The following C16orf74 variants were observed in gnomAD, a reference collection of about 807,000 sequenced individuals.
C16orf74 encodes uncharacterized protein C16orf74.
A neutral mutation model predicts 6.5 loss-of-function variants in C16orf74; 10 were observed. The observed-to-expected ratio is 1.54, with a 90% CI of 0.95 to 2.61. C16orf74 has a LOEUF of 2.61. Ranked by LOEUF, C16orf74 falls within the 30% of genes most tolerant of loss-of-function variation. C16orf74 has a pLI of 0.00. For missense variants in C16orf74, 141 were observed against 105.9 expected, an observed-to-expected ratio of 1.33 and a Z score of -1.45; for synonymous variants, 60 against 42.5, an observed-to-expected ratio of 1.41 and a Z score of -1.60.
intron 2 of C16orf74, among the ~76,000 whole-genome samples, chr16:85,724,310 T>A (rs2054111442): frequency 6.6e-6 from 1 of 152,120 alleles, no homozygotes; most frequent in Non-Finnish European, 1.5e-5. Context: ...CCTTTGTCCA[T>A]CCCACAGATA....
At chr16:85,730,155 G>A (rs1277779858) in intron 2 of C16orf74, among the ~76,000 whole-genome samples, 5 of 152,180 alleles carry the variant, frequency 3.3e-5, no homozygotes, top group Admixed American at 1.3e-4. Flanking sequence ...TGGTCAGAGC[G>A]GGTGAGATGA....
In C16orf74 at chr16:85,714,885, G is replaced by A. The variant is rs533005335; in HGVS notation, c.29-4578C>T. ...AGAAGAGAACATTTCAGCCGGGTGCGGTGGCTCACGCCTGTAATCCCAGCA... is the reference window on the plus strand; with the variant it reads ...AGAAGAGAACATTTCAGCCGGGTGCAGTGGCTCACGCCTGTAATCCCAGCA... On this transcript the variant is annotated intron_variant, in intron 2 of 3. Coordinates refer to ENST00000284245, the MANE Select transcript of C16orf74 (RefSeq NM_206967.3). Among the ~76,000 whole-genome samples the A allele has an allele frequency of 1.5e-4, 23 of 151,796 alleles. 1 individual carries two copies. The South Asian group carries it at 2.1e-3, about 14-fold the overall frequency.
At chr16:85,730,894 C>A (rs904963502) in intron 2 of C16orf74, among the ~76,000 whole-genome samples, 1 of 150,574 alleles carries the variant, frequency 6.6e-6, no homozygotes, top group African/African-American at 2.5e-5. Context: ...TGAACCCCCC[C>A]AGATCAGCTG....
chr16:85,736,032 C>A (rs1279424219), intron 1 of C16orf74, among the ~76,000 whole-genome samples: 2 of 152,180 alleles, frequency 1.3e-5, no homozygotes, highest in Non-Finnish European at 2.9e-5. Flanking sequence ...GAACCCAGGA[C>A]TGTCCTAATC....
At chr16:85,742,845 C>T (rs1357826838) in intron 1 of C16orf74, among the ~76,000 whole-genome samples, 1 of 152,166 alleles carries the variant, frequency 6.6e-6, no homozygotes, top group Admixed American at 6.5e-5. Context: ...CCAGCATGAA[C>T]CTCTTTTCTT....
At chr16:85,744,231 A>AAG (rs1176580685) in intron 1 of C16orf74, 1 of 150,036 alleles carries the variant, frequency 6.7e-6, no homozygotes, top group African/African-American at 2.4e-5. Flanking sequence ...GTCTCAAAAA[A>AAG]AAAAAAAAAA....
intron 2 of C16orf74, among the ~76,000 whole-genome samples, chr16:85,724,425 G>T (rs2054112685): frequency 6.6e-6 from 1 of 152,198 alleles, no homozygotes; most frequent in Non-Finnish European, 1.5e-5. Flanking sequence ...TGTTCCTGAG[G>T]CCCCTAGGGA....
At chr16:85,709,006 C>A (rs572122280) in intron 3 of C16orf74, among the ~76,000 whole-genome samples, 18 of 152,350 alleles carry the variant, frequency 1.2e-4, no homozygotes, top group African/African-American at 4.1e-4. Context: ...TGCATGCCTG[C>A]GGCACCCGTG....
chr16:85,730,980 A>G lies in C16orf74; in HGVS notation c.28+4210T>C, dbSNP rs181067467. On this transcript the variant is annotated intron_variant, in intron 2 of 3. Coordinates refer to ENST00000284245, the MANE Select transcript of C16orf74 (RefSeq NM_206967.3). ...TGGAATATACTGAATTAAATAAAACATATTAAAAGTAATCGTACCCGTTTC... is the reference window on the plus strand; with the variant it reads ...TGGAATATACTGAATTAAATAAAACGTATTAAAAGTAATCGTACCCGTTTC... Among the ~76,000 whole-genome samples the G allele has an allele frequency of 8.0e-3, 1,212 of 152,338 alleles. 14 individuals are homozygous for G. Among genetic ancestry groups the G allele is most frequent in the South Asian group, 8.7e-3 (42 of 4,834 alleles).
chr16:85,744,199 T>A (rs1237047962), intron 1 of C16orf74: 1 of 105,768 alleles, frequency 9.5e-6, no homozygotes, highest in East Asian at 3.2e-4. Flanking sequence ...CACTCCAGCC[T>A]GGGCAACAAG....
At chr16:85,726,038 C>A (rs1055228634) in intron 2 of C16orf74, among the ~76,000 whole-genome samples, 2 of 152,156 alleles carry the variant, frequency 1.3e-5, no homozygotes, top group Non-Finnish European at 2.9e-5. Context: ...TGACTCAGGG[C>A]CTTTGCATTT....
chr16:85,717,886 G>C (rs1431259425), intron 2 of C16orf74, among the ~76,000 whole-genome samples: 2 of 152,166 alleles, frequency 1.3e-5, no homozygotes, highest in East Asian at 3.9e-4. Context: ...CAAAAGCCCT[G>C]AGCCAGGCAA....
At chr16:85,747,230 C>A (rs901711834) in intron 1 of C16orf74, among the ~76,000 whole-genome samples, 10 of 152,094 alleles carry the variant, frequency 6.6e-5, no homozygotes, top group Admixed American at 1.3e-4. Flanking sequence ...AAACATTTAT[C>A]AAAAAATAAG....
In C16orf74 at chr16:85,739,336, G is replaced by A. The variant is rs758483346; in HGVS notation, c.-18-4101C>T. Among the ~76,000 whole-genome samples, 3 of 152,144 alleles carry A rather than the reference G, an allele frequency of 2.0e-5. No individual in the cohort carries two copies. In the South Asian group the frequency reaches 6.2e-4, roughly 31 times the overall value. Reference sequence around the variant, plus strand: ...TTTATCATCTATTCCCTTTTATCCTGTCTTTGTTCAGCATTGATCACAGCC... The same window carrying A: ...TTTATCATCTATTCCCTTTTATCCTATCTTTGTTCAGCATTGATCACAGCC... On this transcript the variant is annotated intron_variant, in intron 1 of 3. Coordinates refer to ENST00000284245, the MANE Select transcript of C16orf74 (RefSeq NM_206967.3).
At chr16:85,742,463 G>A (rs1047570250) in intron 1 of C16orf74, among the ~76,000 whole-genome samples, 4 of 152,068 alleles carry the variant, frequency 2.6e-5, no homozygotes, top group South Asian at 2.1e-4. Context: ...TTCACCTTCC[G>A]CCTTGAGTGG....
intron 2 of C16orf74, among the ~76,000 whole-genome samples, chr16:85,716,352 G>A (rs1254985980): frequency 2.1e-5 from 3 of 143,496 alleles, no homozygotes; most frequent in Non-Finnish European, 3.1e-5. Context: ...GAGGGAGGAG[G>A]AAGAGGAGGA....
At chr16:85,748,021 G>A (rs1191294874) in intron 1 of C16orf74, among the ~76,000 whole-genome samples, 2 of 151,946 alleles carry the variant, frequency 1.3e-5, no homozygotes, top group Non-Finnish European at 2.9e-5. Context: ...AGGAGGTAGA[G>A]GTTGCAGTGA....
At chr16:85,739,723 C>T (rs1263716692) in intron 1 of C16orf74, among the ~76,000 whole-genome samples, 2 of 152,092 alleles carry the variant, frequency 1.3e-5, no homozygotes, top group Non-Finnish European at 2.9e-5. Flanking sequence ...TCGCTTGAGC[C>T]TCCTTGAAGT....
At chr16:85,727,323 A>G (rs439406) in intron 2 of C16orf74, among the ~76,000 whole-genome samples, 1 of 151,722 alleles carries the variant, frequency 6.6e-6, no homozygotes, top group African/African-American at 2.4e-5. Context: ...CCACCAATCA[A>G]CCCCAGGCTG....
Sources: gnomAD v4.1 joint callset for allele counts (sites outside exome capture counted in the v4.1 genomes callset) on GRCh38, gnomAD v4.1.1 for gene constraint, MANE v1.5 for transcripts, NCBI Gene and HGNC (gene_info 2026-07-23, HGNC 2026-07-21) for gene names.